SOCS7: variants seen among roughly 807,000 people sequenced by gnomAD.
The protein encoded by SOCS7 is suppressor of cytokine signaling 7, also known as NAP-4.
In SOCS7, 18 loss-of-function variants were observed where a neutral mutation model predicts 58.9. That is an observed-to-expected ratio of 0.31 (90% confidence interval 0.21 to 0.45). The LOEUF is 0.45. Among genes scored for constraint, SOCS7 ranks in the 20% least tolerant of loss-of-function variants. The pLI is 1.00. For synonymous variants in SOCS7, 388 were observed against 364.3 expected (o/e 1.06, Z -0.74); for missense variants, 667 against 837.3 (o/e 0.80, Z 2.51).
chr17:38,379,613 A>G (rs1376563568), intron 7 of SOCS7, among the ~76,000 whole-genome samples: 2 of 152,272 alleles, frequency 1.3e-5, no homozygotes, highest in South Asian at 2.1e-4. Context: ...CCTCAGGCAG[A>G]AGACTAGGAA....
chr17:38,380,853 T>G (rs939130543), intron 7 of SOCS7, among the ~76,000 whole-genome samples: 2 of 151,904 alleles, frequency 1.3e-5, no homozygotes, highest in African/African-American at 4.8e-5. Context: ...AGGGAGACTC[T>G]GTCTCCAAAA....
At chr17:38,354,452 T>C (rs994902056) in intron 1 of SOCS7, among the ~76,000 whole-genome samples, 1 of 152,110 alleles carries the variant, frequency 6.6e-6, no homozygotes, top group African/African-American at 2.4e-5. Context: ...CAAGAAAATG[T>C]TGGGTGGATT....
intron 6 of SOCS7, among the ~76,000 whole-genome samples, chr17:38,377,191 T>C (rs576730826): frequency 2.0e-5 from 3 of 152,362 alleles, no homozygotes; most frequent in African/African-American, 7.2e-5. Context: ...GCCTGTGATT[T>C]AAAGATTAAT....
At chr17:38,357,189 G>T (rs1055490982) in intron 1 of SOCS7, among the ~76,000 whole-genome samples, 4 of 152,190 alleles carry the variant, frequency 2.6e-5, no homozygotes, top group Non-Finnish European at 5.9e-5. Context: ...AGGCCTGGCA[G>T]ACGTGAGAAA....
At chr17:38,354,468 T>G (rs2037605895) in intron 1 of SOCS7, among the ~76,000 whole-genome samples, 1 of 151,462 alleles carries the variant, frequency 6.6e-6, no homozygotes, top group East Asian at 1.9e-4. Context: ...GGATTTGGCT[T>G]TCTTGCCCTT....
chr17:38,391,451 T>C (rs1352976703), intron 7 of SOCS7, among the ~76,000 whole-genome samples: 1 of 152,212 alleles, frequency 6.6e-6, no homozygotes, highest in African/African-American at 2.4e-5. Flanking sequence ...AGTGCAGTGG[T>C]ACAATCATAG....
intron 1 of SOCS7, among the ~76,000 whole-genome samples, chr17:38,353,732 A>T (rs1000622468): frequency 1.3e-5 from 2 of 152,114 alleles, no homozygotes; most frequent in African/African-American, 4.8e-5. Flanking sequence ...GCGAAACCCC[A>T]TCTCTACAAA....
At chr17:38,379,770 TA>T (rs2037978351) in intron 7 of SOCS7, among the ~76,000 whole-genome samples, 1 of 152,186 alleles carries the variant, frequency 6.6e-6, no homozygotes, top group Admixed American at 6.5e-5. Flanking sequence ...TTGACTTGCT[TA>T]AAGGGAAAAG....
At position 38,380,076 on chromosome 17, in the gene SOCS7, A is replaced by G. The variant is rs41388749; in HGVS notation, c.1681+2234A>G. ...CAAAGAAGATTCTGGACTCTGGAAC[A>G]TCACTCTATTTGTAGAATATTGAGA... On this transcript the variant is annotated intron_variant, in intron 7 of 9. Coordinates refer to ENST00000612932, the MANE Select transcript of SOCS7 (RefSeq NM_014598.4). Among the ~76,000 whole-genome samples, 674 of 152,304 alleles carry G rather than the reference A, an allele frequency of 4.4e-3. 7 individuals are homozygous for G. The highest frequency in any genetic ancestry group is 0.015 in the African/African-American group (638 of 41,560).
chr17:38,372,154 C>T (rs772240666), intron 6 of SOCS7, among the ~76,000 whole-genome samples: 1 of 152,056 alleles, frequency 6.6e-6, no homozygotes, highest in Non-Finnish European at 1.5e-5. Flanking sequence ...AGATTTGTGA[C>T]AATTTGTAAA....
chr17:38,355,587 G>A (rs1415614472), intron 1 of SOCS7, among the ~76,000 whole-genome samples: 1 of 152,168 alleles, frequency 6.6e-6, no homozygotes, highest in Non-Finnish European at 1.5e-5. Context: ...TGGAAATGGT[G>A]AGAAATTTCA....
chr17:38,391,011 A>G (rs1269923966), intron 7 of SOCS7, among the ~76,000 whole-genome samples: 2 of 151,834 alleles, frequency 1.3e-5, no homozygotes, highest in Non-Finnish European at 2.9e-5. Flanking sequence ...TTTTTTCATA[A>G]TATAAGTTTT....
At chr17:38,375,506 C>T (rs1281783199) in intron 6 of SOCS7, among the ~76,000 whole-genome samples, 1 of 152,036 alleles carries the variant, frequency 6.6e-6, no homozygotes, top group Non-Finnish European at 1.5e-5. Context: ...CTTTTTCTAG[C>T]TTAATTGTAA....
chr17:38,363,459 C>T (rs2037746505), intron 2 of SOCS7, among the ~76,000 whole-genome samples: 1 of 152,198 alleles, frequency 6.6e-6, no homozygotes. Flanking sequence ...CCTCAGCCTC[C>T]AGAATAGCTG....
chr17:38,381,255 A>G (rs762893418), intron 7 of SOCS7, among the ~76,000 whole-genome samples: 13 of 152,200 alleles, frequency 8.5e-5, no homozygotes, highest in African/African-American at 1.7e-4. Context: ...TTTGAAGGAT[A>G]GGGCCAAAGA....
chr17:38,381,443 C>G (rs925137049), intron 7 of SOCS7, among the ~76,000 whole-genome samples: 12 of 152,164 alleles, frequency 7.9e-5, no homozygotes, highest in African/African-American at 2.9e-4. Flanking sequence ...AGAAAGGAGG[C>G]TGTGTGTTCA....
chr17:38,366,230 A>G (rs930967328), intron 4 of SOCS7, 57 bp from the exon 5 acceptor site: 90 of 1,594,162 alleles, frequency 5.6e-5, no homozygotes, highest in Middle Eastern at 1.7e-4. Context: ...GGGAGGGTCT[A>G]TTTGTGGTTG....
intron 1 of SOCS7, among the ~76,000 whole-genome samples, chr17:38,356,008 C>T (rs1318946276): frequency 2.6e-5 from 4 of 152,070 alleles, no homozygotes; most frequent in Non-Finnish European, 5.9e-5. Flanking sequence ...TTCAGCCTCC[C>T]CAGTAGCTGG....
intron 2 of SOCS7, among the ~76,000 whole-genome samples, chr17:38,363,080 C>G: frequency 6.6e-6 from 1 of 152,020 alleles, no homozygotes; most frequent in Non-Finnish European, 1.5e-5. Flanking sequence ...TGCCACTGCA[C>G]TCCAGCCTGA....
Sources: gnomAD v4.1 joint callset for allele counts (sites outside exome capture counted in the v4.1 genomes callset) on GRCh38, gnomAD v4.1.1 for gene constraint, MANE v1.5 for transcripts, NCBI Gene and HGNC (gene_info 2026-07-23, HGNC 2026-07-21) for gene names.